Variants in OXCT1 observed in about 807,000 individuals in gnomAD.
The protein encoded by OXCT1 is 3-oxoacid CoA-transferase 1.
A neutral mutation model predicts 69.6 loss-of-function variants in OXCT1; 27 were observed. The ratio of observed to expected loss-of-function variants is 0.39; its 90% CI spans 0.29 to 0.54. The LOEUF is 0.54. Among genes scored for constraint, OXCT1 ranks in the 20% least tolerant of loss-of-function variants. OXCT1 has a pLI of 0.72. For synonymous variants in OXCT1, 202 were observed against 217.8 expected (o/e 0.93, Z 0.64); for missense variants, 437 against 650.2 (o/e 0.67, Z 3.57).
At chr5:41,800,712 T>A (rs937220574) in intron 11 of OXCT1, among the ~76,000 whole-genome samples, 1 of 152,002 alleles carries the variant, frequency 6.6e-6, no homozygotes, top group African/African-American at 2.4e-5. Flanking sequence ...TTTAATCCTG[T>A]CCATGCCCTT....
At chr5:41,798,208 A>G (rs1324795888) in intron 11 of OXCT1, among the ~76,000 whole-genome samples, 1 of 152,170 alleles carries the variant, frequency 6.6e-6, no homozygotes, top group East Asian at 1.9e-4. Flanking sequence ...GCAGTCCAGA[A>G]TGGGTACACA....
At chr5:41,839,350 A>G (rs1029230608) in intron 7 of OXCT1, among the ~76,000 whole-genome samples, 14 of 152,206 alleles carry the variant, frequency 9.2e-5, no homozygotes, top group Admixed American at 6.5e-5. Context: ...ACAGGGTGTA[A>G]AACTATTGAT....
chr5:41,833,210 C>T (rs1245184643), intron 7 of OXCT1, among the ~76,000 whole-genome samples: 5 of 151,990 alleles, frequency 3.3e-5, no homozygotes, highest in Admixed American at 2.6e-4. Flanking sequence ...CTACCTTTTG[C>T]GAGTTAATCA....
intron 14 of OXCT1, among the ~76,000 whole-genome samples, chr5:41,756,949 T>G (rs550976262): frequency 6.4e-4 from 97 of 152,104 alleles, no homozygotes; most frequent in African/African-American, 2.3e-3. Context: ...GCAAGAGAGA[T>G]AACAGATTCA....
At chr5:41,860,315 C>T (rs991984075) in intron 3 of OXCT1, among the ~76,000 whole-genome samples, 1 of 151,846 alleles carries the variant, frequency 6.6e-6, no homozygotes, top group Non-Finnish European at 1.5e-5. Context: ...ATGTAATATA[C>T]ATATATATCA....
At chr5:41,751,526 C>G (rs902493847) in intron 14 of OXCT1, among the ~76,000 whole-genome samples, 1 of 152,134 alleles carries the variant, frequency 6.6e-6, no homozygotes, top group South Asian at 2.1e-4. Context: ...GCCATGCCCC[C>G]CACTGTCTCT....
At chr5:41,754,597 T>C (rs1331047288) in intron 14 of OXCT1, among the ~76,000 whole-genome samples, 5 of 151,862 alleles carry the variant, frequency 3.3e-5, no homozygotes, top group Non-Finnish European at 5.9e-5. Context: ...AAGAACTGGA[T>C]TTGCTAAATA....
At chr5:41,753,629 A>G (rs1743919296) in intron 14 of OXCT1, among the ~76,000 whole-genome samples, 1 of 152,052 alleles carries the variant, frequency 6.6e-6, no homozygotes, top group South Asian at 2.1e-4. Context: ...GGGTGTCCCC[A>G]GTGTGTGGCC....
chr5:41,756,964 G>C (rs1015805005), intron 14 of OXCT1, among the ~76,000 whole-genome samples: 3 of 152,010 alleles, frequency 2.0e-5, no homozygotes, highest in Admixed American at 2.0e-4. Flanking sequence ...GATTCAGAGA[G>C]GCAGTTGGGG....
At chr5:41,737,812 T>C (rs772507973) in intron 16 of OXCT1, among the ~76,000 whole-genome samples, 2 of 152,078 alleles carry the variant, frequency 1.3e-5, no homozygotes, top group Non-Finnish European at 2.9e-5. Flanking sequence ...TCCCAGCACT[T>C]TGGGAGGCCG....
Position 41,870,050 on chromosome 5 carries a change from G to C in OXCT1, c.78+231C>G. On this transcript the variant is annotated intron_variant, in intron 1 of 16. Coordinates refer to ENST00000196371, the MANE Select transcript of OXCT1 (RefSeq NM_000436.4). The surrounding 1 kb of genome is among the most constrained non-coding windows in gnomAD (Gnocchi z 4.2). ...CAGCCTCTCCGCGCGCTTCTTTATCGCGTCTCGCTCCATCAGGGAAGCGAC... is the reference window on the plus strand; with the variant it reads ...CAGCCTCTCCGCGCGCTTCTTTATCCCGTCTCGCTCCATCAGGGAAGCGAC... 1 of 560,950 alleles carries C rather than the reference G, an allele frequency of 1.8e-6. No individual in the cohort carries two copies. The highest frequency in any genetic ancestry group is 3.2e-6 in the Non-Finnish European group (1 of 310,244). The allele number at this position is 560,950 out of a possible 1,614,324, so 34.7% of individuals were successfully genotyped here. A position where few individuals can be genotyped will look rare whatever the true frequency, so the allele number is the denominator to read the frequency against.
At chr5:41,799,800 T>A (rs1315891310) in intron 11 of OXCT1, among the ~76,000 whole-genome samples, 1 of 152,200 alleles carries the variant, frequency 6.6e-6, no homozygotes, top group Admixed American at 6.5e-5. Flanking sequence ...TCGTGTTATC[T>A]AATTCAACTA....
intron 14 of OXCT1, among the ~76,000 whole-genome samples, chr5:41,757,800 C>T (rs1744157362): frequency 6.6e-6 from 1 of 152,114 alleles, no homozygotes; most frequent in African/African-American, 2.4e-5. Context: ...GAATGGGAAA[C>T]ACCATGATGC....
intron 11 of OXCT1, among the ~76,000 whole-genome samples, chr5:41,796,634 T>C (rs1459329001): frequency 6.6e-6 from 1 of 152,204 alleles, no homozygotes; most frequent in African/African-American, 2.4e-5. Context: ...TATAAATATA[T>C]ATCTCTCGAG....
intron 1 of OXCT1, among the ~76,000 whole-genome samples, chr5:41,865,659 A>G (rs1245763679): frequency 2.0e-5 from 3 of 152,206 alleles, no homozygotes; most frequent in Non-Finnish European, 4.4e-5. Context: ...CCCTTGCTTC[A>G]AATTCCAATT....
At chr5:41,783,655 A>G (rs1016293074) in intron 13 of OXCT1, among the ~76,000 whole-genome samples, 5 of 152,204 alleles carry the variant, frequency 3.3e-5, no homozygotes, top group Non-Finnish European at 5.9e-5. Context: ...ATCCCACTCT[A>G]TGCAAAGAAG....
chr5:41,748,423 A>G (rs2112042467), intron 15 of OXCT1, among the ~76,000 whole-genome samples: 1 of 152,154 alleles, frequency 6.6e-6, no homozygotes, highest in East Asian at 1.9e-4. Flanking sequence ...TAAACAAACA[A>G]CCAACAGGGT....
Position 41,862,704 on chromosome 5 carries a change from A to C in OXCT1, c.125T>G (p.Phe42Cys). 4 of 1,613,560 alleles carry C rather than the reference A, an allele frequency of 2.5e-6. No individual in the cohort carries two copies. The highest frequency in any genetic ancestry group is 3.4e-6 in the Non-Finnish European group (4 of 1,179,620). ...FSTSAHRHTK[F>C]YTDPVEAVKD... is the part of the protein sequence containing the mutation. ...TACAGCTTCTACTGGATCTGTATAA[A>C]ACTTGGTATGGCGATGAGCACTGGT... The change falls in exon 2 of 17, where the codon TTT becomes TGT. Residue 42 changes from phenylalanine to cysteine, a missense_variant. Transcript: ENST00000196371.
chr5:41,802,983 T>TA (rs1746493337), intron 10 of OXCT1, 86 bp downstream of exon 10: 1 of 960,268 alleles, frequency 1.0e-6, no homozygotes, highest in Non-Finnish European at 1.7e-6. Flanking sequence ...GCTATTGAAA[T>TA]AAAAAAATTT....
Sources: gnomAD v4.1 joint callset for allele counts (sites outside exome capture counted in the v4.1 genomes callset) on GRCh38, gnomAD v4.1.1 for gene constraint, Gnocchi (gnomAD v3.1) non-coding constraint, MANE v1.5 for transcripts, NCBI Gene and HGNC (gene_info 2026-07-23, HGNC 2026-07-21) for gene names.